Variants in COL4A5 observed in about 807,000 individuals in gnomAD.
COL4A5 encodes collagen alpha-5(IV) chain.
Under a neutral mutation model 130.2 loss-of-function variants are expected in COL4A5, and 26 were observed. The ratio of observed to expected loss-of-function variants is 0.20; its 90% CI spans 0.15 to 0.28. The LOEUF (loss-of-function observed/expected upper bound fraction) is 0.28. Among genes scored for constraint, COL4A5 ranks in the 10% least tolerant of loss-of-function variants. The probability of loss-of-function intolerance (pLI) is 1.00; values close to 1 mark genes in which losing one functional copy is unlikely to be tolerated. For synonymous variants in COL4A5, 496 were observed against 439.6 expected (o/e 1.13, Z -1.60); for missense variants, 1,131 against 1,344.3 (o/e 0.84, Z 2.48).
chrX:108,648,895 A>G (rs28773008), intron 36 of COL4A5, among the ~76,000 whole-genome samples: 1 of 111,406 alleles, frequency 9.0e-6, no homozygotes, highest in Non-Finnish European at 1.9e-5. Flanking sequence ...AGCTAGAACA[A>G]TCAGACAAGA....
chrX:108,558,050 A>G (rs1316421226), intron 2 of COL4A5, among the ~76,000 whole-genome samples: 1 of 103,230 alleles, frequency 9.7e-6, no homozygotes, highest in Non-Finnish European at 2.0e-5. Context: ...CATTAGGTAT[A>G]TCTCCTAATG....
At chrX:108,473,633 A>ATATATATATATTTTTTTTTTTT in intron 1 of COL4A5, among the ~76,000 whole-genome samples, 5 of 34,567 alleles carry the variant, frequency 1.4e-4, no homozygotes, top group African/African-American at 5.4e-4. Flanking sequence ...ATATATATAT[A>ATATATATATATTTTTTTTTTTT]TTTTTTTTTT....
In COL4A5 at chrX:108,551,358, C is replaced by T. The variant is rs187975967; in HGVS notation, c.142-7706C>T. Among the ~76,000 whole-genome samples the T allele has an allele frequency of 1.6e-3, 178 of 111,581 alleles. 1 individual carries two copies. The highest frequency in any genetic ancestry group is 2.1e-3 in the Non-Finnish European group (114 of 53,070). ...AATGGGCAAAGGACATGAACACATA[C>T]GCCTCAAAAGAAGACATACATATGG... is the stretch of plus-strand genomic sequence containing the variant. On this transcript the variant is annotated intron_variant, in intron 2 of 52. Coordinates refer to ENST00000328300, the MANE Select transcript of COL4A5 (RefSeq NM_033380.3).
intron 2 of COL4A5, among the ~76,000 whole-genome samples, chrX:108,548,242 T>C (rs1231815501): frequency 3.6e-5 from 4 of 112,175 alleles, no homozygotes; most frequent in Non-Finnish European, 5.6e-5. Context: ...TATTCAGCCA[T>C]CTTGGAACCA....
intron 30 of COL4A5, among the ~76,000 whole-genome samples, chrX:108,615,261 CA>C (rs2066906809): frequency 9.0e-6 from 1 of 111,607 alleles, no homozygotes; most frequent in Admixed American, 9.5e-5. Flanking sequence ...AATACAATTG[CA>C]GTGTATTATT....
intron 20 of COL4A5, 43 bp from the exon 21 acceptor site, chrX:108,591,518 A>T: frequency 1.9e-6 from 2 of 1,028,805 alleles, no homozygotes; most frequent in South Asian, 1.9e-5. Flanking sequence ...AATCTTCTGG[A>T]TATTTCACAA....
intron 2 of COL4A5, among the ~76,000 whole-genome samples, chrX:108,543,512 CT>C (rs2065586326): frequency 9.0e-6 from 1 of 111,204 alleles, no homozygotes; most frequent in Non-Finnish European, 1.9e-5. Context: ...TGACTGTAGC[CT>C]TGTAGTATAG....
intron 1 of COL4A5, among the ~76,000 whole-genome samples, chrX:108,510,286 A>G (rs1285181230): frequency 3.6e-5 from 4 of 111,836 alleles, no homozygotes; most frequent in Non-Finnish European, 7.5e-5. Flanking sequence ...AAGCCTGCAC[A>G]TTTACCCCAG....
intron 37 of COL4A5, among the ~76,000 whole-genome samples, chrX:108,663,872 G>C (rs2068017103): frequency 8.9e-6 from 1 of 111,741 alleles, no homozygotes; most frequent in Non-Finnish European, 1.9e-5. Context: ...AAATGAAAGG[G>C]ACATAGAATA....
Position 108,582,866 on chromosome X carries a change from A to G in COL4A5, c.937-18A>G, listed in dbSNP as rs1359262166. On this transcript the variant is annotated intron_variant, in intron 16 of 52. Coordinates refer to ENST00000328300, the MANE Select transcript of COL4A5 (RefSeq NM_033380.3). The stretch of plus-strand genomic sequence containing the variant: ...CCATCATTTGTGCTGATGTCACCCT[A>G]TCCTCTATGTTTTAAAGGGTTTGCC... The G allele has an allele frequency of 1.7e-6, 2 of 1,181,691 alleles. No homozygotes were observed. Among genetic ancestry groups the G allele is most frequent in the East Asian group, 3.0e-5 (1 of 33,666 alleles).
chrX:108,614,926 A>G lies in COL4A5; in HGVS notation c.2411A>G (p.Asn804Ser). Reference protein sequence around the residue: ...LPGPKGDVGPNGQPGPMGPPG... With the variant: ...LPGPKGDVGPSGQPGPMGPPG... ...TTTCTTAAAGGTGATGTTGGACCAA[A>G]TGGACAACCTGGACCAATGGGACCT... The change falls in exon 30 of 53, where the codon AAT (asparagine) becomes AGT (serine). Residue 804 changes from asparagine (N) to serine (S), a missense_variant. Asn to Ser is a conservative substitution (Grantham distance 46). Coordinates refer to ENST00000328300, the MANE Select transcript of COL4A5 (RefSeq NM_033380.3). 4 of 1,207,762 alleles carry G rather than the reference A, an allele frequency of 3.3e-6. No individual in the cohort carries two copies. Among genetic ancestry groups the G allele is most frequent in the Non-Finnish European group, 4.5e-6 (4 of 891,820 alleles).
intron 47 of COL4A5, 55 bp downstream of exon 47, chrX:108,681,943 C>A: frequency 9.1e-7 from 1 of 1,093,681 alleles, no homozygotes; most frequent in Non-Finnish European, 1.3e-6. Flanking sequence ...TTCTGGGATA[C>A]ATGTGCAGAA....
intron 2 of COL4A5, among the ~76,000 whole-genome samples, chrX:108,541,655 T>G (rs1216893829): frequency 8.9e-6 from 1 of 111,834 alleles, no homozygotes; most frequent in Non-Finnish European, 1.9e-5. Context: ...GCTTATAGAT[T>G]CCATCCAAAT....
At chrX:108,502,258 A>AGTTTT (rs372234708) in intron 1 of COL4A5, among the ~76,000 whole-genome samples, 2,609 of 108,816 alleles carry the variant, frequency 0.024, 63 homozygotes, top group African/African-American at 0.064. Context: ...GGAAGGTAAT[A>AGTTTT]GTTTTGTTTT....
In COL4A5 at chrX:108,692,742, T is replaced by C. The variant is rs775079914; in HGVS notation, c.4529-6T>C. ...CCTTTACTGTTTTCTCTCCAAATCT[T>C]TCTAGGGACGGCTGGCAGCTGCCTT... On this transcript the variant is annotated splice_polypyrimidine_tract_variant and splice_region_variant and intron_variant, in intron 49 of 52. Transcript: ENST00000328300. The C allele has an allele frequency of 8.7e-5, 105 of 1,208,823 alleles. No homozygotes were observed. In the South Asian group the frequency reaches 1.7e-3, roughly 19 times the overall value.
chrX:108,546,040 G>A (rs2065646094), intron 2 of COL4A5, among the ~76,000 whole-genome samples: 1 of 111,710 alleles, frequency 9.0e-6, no homozygotes, highest in Non-Finnish European at 1.9e-5. Context: ...ACAGCACCCT[G>A]GTGGGTCTTC....
intron 30 of COL4A5, among the ~76,000 whole-genome samples, chrX:108,616,496 A>T (rs1457112432): frequency 9.0e-6 from 1 of 111,210 alleles, no homozygotes; most frequent in East Asian, 2.8e-4. Context: ...TCGGCCTCCC[A>T]GAGTGCTGGG....
intron 36 of COL4A5, among the ~76,000 whole-genome samples, chrX:108,631,141 C>CT (rs1172739713): frequency 9.0e-6 from 1 of 111,673 alleles, no homozygotes; most frequent in Non-Finnish European, 1.9e-5. Context: ...AATGTGGGCT[C>CT]TTTTTTGGTT....
intron 50 of COL4A5, 94 bp downstream of exon 50, chrX:108,693,019 C>G (rs981572228): frequency 1.4e-4 from 135 of 987,294 alleles, no homozygotes; most frequent in Non-Finnish European, 1.9e-4. Context: ...GATATTCCTC[C>G]TAGGTTAGGT....
Sources: allele counts gnomAD v4.1 joint callset (sites outside exome capture counted in the v4.1 genomes callset), GRCh38; gene constraint gnomAD v4.1.1; transcripts MANE v1.5; gene names NCBI Gene and HGNC (gene_info 2026-07-23, HGNC 2026-07-21).